Variants in TENM3 observed in about 807,000 individuals in gnomAD.
TENM3 encodes teneurin transmembrane protein 3.
A neutral mutation model predicts 255.1 loss-of-function variants in TENM3; 63 were observed. The ratio of observed to expected loss-of-function variants is 0.25; its 90% CI spans 0.20 to 0.30. The LOEUF is 0.30. Ranked by LOEUF, TENM3 falls within the 10% of genes least tolerant of loss-of-function variation. The probability of loss-of-function intolerance (pLI) is 1.00; values close to 1 mark genes in which losing one functional copy is unlikely to be tolerated. For missense variants in TENM3, 2,929 were observed against 3,461.1 expected, an observed-to-expected ratio of 0.85 and a Z score of 3.86; for synonymous variants, 1,306 against 1,322.3, an observed-to-expected ratio of 0.99 and a Z score of 0.27.
At chr4:181,992,991 G>A in the TENM3 span, among the ~76,000 whole-genome samples, 1 of 152,036 alleles carries the variant, frequency 6.6e-6, no homozygotes, top group African/African-American at 2.4e-5. Context: ...TATTCAATAA[G>A]AGTAGACTTA....
At chr4:182,773,252 C>CTGG (rs1239739477) in intron 22 of TENM3, among the ~76,000 whole-genome samples, 1 of 152,204 alleles carries the variant, frequency 6.6e-6, no homozygotes, top group Non-Finnish European at 1.5e-5. Flanking sequence ...AGATGGAGAG[C>CTGG]TGGTCTGTTT....
At chr4:182,345,933 A>G (rs1764768689) in intron 2 of TENM3, among the ~76,000 whole-genome samples, 3 of 152,180 alleles carry the variant, frequency 2.0e-5, no homozygotes, top group African/African-American at 7.2e-5. Context: ...TACTCTGATC[A>G]ATACAGATGT....
the TENM3 span, among the ~76,000 whole-genome samples, chr4:182,006,441 A>C: frequency 6.6e-6 from 1 of 152,122 alleles, no homozygotes; most frequent in Non-Finnish European, 1.5e-5. Flanking sequence ...ACCTTCTTGC[A>C]GGCTTAGTCT....
chr4:182,049,609 T>A, the TENM3 span, among the ~76,000 whole-genome samples: 1 of 152,222 alleles, frequency 6.6e-6, no homozygotes, highest in Non-Finnish European at 1.5e-5. Flanking sequence ...CTGCTCTTGA[T>A]GGATTTTTAA....
the TENM3 span, among the ~76,000 whole-genome samples, chr4:181,495,761 T>C: frequency 6.6e-6 from 1 of 151,954 alleles, no homozygotes; most frequent in Non-Finnish European, 1.5e-5. Context: ...ACAAACTTCT[T>C]ATAGGAAAAT....
At chr4:182,019,675 T>G in the TENM3 span, among the ~76,000 whole-genome samples, 1 of 152,134 alleles carries the variant, frequency 6.6e-6, no homozygotes, top group Non-Finnish European at 1.5e-5. Context: ...TTACTTGGGT[T>G]GTTGTTGTTG....
At chr4:181,526,509 G>A in the TENM3 span, among the ~76,000 whole-genome samples, 40 of 152,292 alleles carry the variant, frequency 2.6e-4, no homozygotes, top group African/African-American at 9.6e-4. Flanking sequence ...AGGAGTAGGA[G>A]TAGGTTTTGC....
chr4:181,677,339 T>C, the TENM3 span, among the ~76,000 whole-genome samples: 2 of 152,144 alleles, frequency 1.3e-5, no homozygotes, highest in Admixed American at 1.3e-4. Flanking sequence ...TAGAGTTCGT[T>C]GGTCTTCCTC....
At chr4:181,548,137 C>A in the TENM3 span, among the ~76,000 whole-genome samples, 2 of 151,958 alleles carry the variant, frequency 1.3e-5, no homozygotes, top group African/African-American at 4.8e-5. Flanking sequence ...GTTAGAACGG[C>A]GATCATTAAA....
At chr4:181,680,651 G>A in the TENM3 span, among the ~76,000 whole-genome samples, 3 of 151,740 alleles carry the variant, frequency 2.0e-5, no homozygotes, top group Non-Finnish European at 4.4e-5. Flanking sequence ...GAGAGTAAAG[G>A]TATCATAATA....
At chr4:181,556,998 G>A in the TENM3 span, among the ~76,000 whole-genome samples, 1 of 152,002 alleles carries the variant, frequency 6.6e-6, no homozygotes, top group Non-Finnish European at 1.5e-5. Flanking sequence ...TATTAATGAT[G>A]GTTAAGTCAG....
At chr4:182,589,633 G>A (rs966508913) in intron 3 of TENM3, among the ~76,000 whole-genome samples, 1 of 151,898 alleles carries the variant, frequency 6.6e-6, no homozygotes, top group Non-Finnish European at 1.5e-5. Context: ...AGCAAGGTTC[G>A]GTCTTAGAAA....
At chr4:182,488,953 A>T (rs896903176) in intron 3 of TENM3, among the ~76,000 whole-genome samples, 4 of 152,126 alleles carry the variant, frequency 2.6e-5, no homozygotes, top group African/African-American at 9.7e-5. Flanking sequence ...GAAAAAAATG[A>T]TTCATTTTCA....
At chr4:182,552,070 G>A (rs1006573384) in intron 3 of TENM3, among the ~76,000 whole-genome samples, 2 of 151,740 alleles carry the variant, frequency 1.3e-5, no homozygotes, top group African/African-American at 4.8e-5. Context: ...ATTTGGGAGT[G>A]ACAAGACTGT....
At chr4:182,402,004 A>G (rs1769243765) in intron 3 of TENM3, among the ~76,000 whole-genome samples, 1 of 152,208 alleles carries the variant, frequency 6.6e-6, no homozygotes, top group Non-Finnish European at 1.5e-5. Context: ...AACAGAATTT[A>G]CAAGTATCGA....
chr4:182,362,430 T>A (rs1379476147), intron 3 of TENM3, among the ~76,000 whole-genome samples: 3 of 151,538 alleles, frequency 2.0e-5, no homozygotes, highest in Admixed American at 6.6e-5. Flanking sequence ...GCAATGGTGG[T>A]CGCCCCTCCC....
At chr4:181,821,118 TC>T in the TENM3 span, among the ~76,000 whole-genome samples, 1 of 152,138 alleles carries the variant, frequency 6.6e-6, no homozygotes, top group African/African-American at 2.4e-5. Context: ...TGCACCAAAG[TC>T]CCTGATAGCC....
chr4:182,474,982 C>T (rs1273004349), intron 3 of TENM3, among the ~76,000 whole-genome samples: 1 of 152,192 alleles, frequency 6.6e-6, no homozygotes, highest in African/African-American at 2.4e-5. Flanking sequence ...CTACACACTT[C>T]AGCTCTTCAA....
the TENM3 span, among the ~76,000 whole-genome samples, chr4:181,482,575 T>C: frequency 6.6e-6 from 1 of 152,152 alleles, no homozygotes; most frequent in African/African-American, 2.4e-5. Flanking sequence ...ATCTGCTTAT[T>C]TATTAATTTA....
Sources: allele counts gnomAD v4.1 joint callset (sites outside exome capture counted in the v4.1 genomes callset), GRCh38; gene constraint gnomAD v4.1.1; transcripts MANE v1.5; gene names NCBI Gene and HGNC (gene_info 2026-07-23, HGNC 2026-07-21).